Variants in SWT1 observed in about 807,000 individuals in gnomAD.
SWT1 encodes SWT1 RNA endoribonuclease homolog.
Under a neutral mutation model 107.3 loss-of-function variants are expected in SWT1, and 33 were observed. The observed-to-expected ratio is 0.31, with a 90% CI of 0.23 to 0.41. The LOEUF (loss-of-function observed/expected upper bound fraction) is 0.41, where lower values mean the gene tolerates loss of function less well. Ranked by LOEUF, SWT1 falls within the 10% of genes least tolerant of loss-of-function variation. The probability of loss-of-function intolerance (pLI) is 1.00; values close to 1 mark genes in which losing one functional copy is unlikely to be tolerated. For missense variants in SWT1, 898 were observed against 1,028.9 expected (o/e 0.87, Z 1.74); for synonymous variants, 345 against 348.3 (o/e 0.99, Z 0.11).
intron 17 of SWT1, among the ~76,000 whole-genome samples, chr1:185,272,024 A>G (rs997711899): frequency 1.3e-5 from 2 of 152,228 alleles, no homozygotes; most frequent in Non-Finnish European, 2.9e-5. Flanking sequence ...CCTATACATC[A>G]GGTACTAAAT....
At chr1:185,209,554 T>C (rs1401614806) in intron 13 of SWT1, among the ~76,000 whole-genome samples, 3 of 152,304 alleles carry the variant, frequency 2.0e-5, no homozygotes, top group African/African-American at 7.2e-5. Context: ...GGAGATGAAT[T>C]CATCCTTTTT....
chr1:185,173,909 C>G (rs1227947470), intron 4 of SWT1, among the ~76,000 whole-genome samples: 1 of 152,008 alleles, frequency 6.6e-6, no homozygotes, highest in Non-Finnish European at 1.5e-5. Flanking sequence ...GTCCCAGTTA[C>G]GTGGTAGTCT....
chr1:185,225,315 C>T (rs1259333023), intron 15 of SWT1, among the ~76,000 whole-genome samples: 2 of 152,056 alleles, frequency 1.3e-5, no homozygotes, highest in African/African-American at 4.8e-5. Context: ...ATTCAGTTTG[C>T]TAGTATCTTG....
At chr1:185,195,219 A>C (rs373702097) in intron 10 of SWT1, among the ~76,000 whole-genome samples, 2 of 151,620 alleles carry the variant, frequency 1.3e-5, no homozygotes, top group Non-Finnish European at 2.9e-5. Context: ...TCATTGTTCA[A>C]CTCCCACTTA....
In SWT1 at chr1:185,174,601, A is replaced by G; in HGVS notation, c.454A>G (p.Ser152Gly). The G allele has an allele frequency of 1.2e-6, 2 of 1,610,102 alleles. No individual in the cohort carries two copies. The highest frequency in any genetic ancestry group is 1.7e-6 in the Non-Finnish European group (2 of 1,179,078). ...SKLDHGIKSLSSPKIASDVKP... is the reference protein window; with the variant it reads ...SKLDHGIKSLGSPKIASDVKP... Reference sequence around the variant, plus strand: ...GCTTGACCATGGAATTAAAAGCCTTAGTAGTCCTAAGATTGCCAGTGATGT... The same window carrying G: ...GCTTGACCATGGAATTAAAAGCCTTGGTAGTCCTAAGATTGCCAGTGATGT... Residue 152 changes from serine (S) to glycine (G), a missense_variant, in exon 5 of 19, where the codon AGT (serine) becomes GGT (glycine). Ser to Gly is a moderately conservative substitution (Grantham distance 56). Coordinates refer to ENST00000367500, the MANE Select transcript of SWT1 (RefSeq NM_017673.7).
At chr1:185,196,842 T>A (rs1464370255) in intron 10 of SWT1, among the ~76,000 whole-genome samples, 2 of 151,796 alleles carry the variant, frequency 1.3e-5, no homozygotes, top group Non-Finnish European at 3.0e-5. Context: ...TTTTGTATCC[T>A]GAGACTTTAG....
chr1:185,179,621 T>C (rs996727746), intron 5 of SWT1, among the ~76,000 whole-genome samples: 1 of 152,246 alleles, frequency 6.6e-6, no homozygotes, highest in Non-Finnish European at 1.5e-5. Context: ...ATGTCACTTG[T>C]AGAAATGACT....
chr1:185,180,353 T>C, intron 5 of SWT1, 38 bp from the exon 6 acceptor site: 1 of 1,541,954 alleles, frequency 6.5e-7, no homozygotes, highest in Non-Finnish European at 9.0e-7. Flanking sequence ...ATTTAGGTTA[T>C]GCTTTATTCT....
chr1:185,247,481 T>C (rs1661698149), intron 16 of SWT1, among the ~76,000 whole-genome samples: 1 of 152,254 alleles, frequency 6.6e-6, no homozygotes, highest in Non-Finnish European at 1.5e-5. Flanking sequence ...ATTTTTTGCA[T>C]TGAAAGTTGT....
In SWT1 at chr1:185,195,935, T is replaced by C. The variant is rs561090096; in HGVS notation, c.1523+5293T>C. ...AGGTTGCAAAAAATTTCTCACATTC[T>C]GTAGGTTGCTTGTTAACCCTGATGA... On this transcript the variant is annotated intron_variant, in intron 10 of 18. Transcript: ENST00000367500. Among the ~76,000 whole-genome samples, 214 of 152,314 alleles carry C rather than the reference T, an allele frequency of 1.4e-3. 1 individual carries two copies. The highest frequency in any genetic ancestry group is 4.9e-3 in the African/African-American group (204 of 41,564).
intron 15 of SWT1, among the ~76,000 whole-genome samples, chr1:185,229,485 TTGTATAAA>T (rs1191160969): frequency 6.6e-6 from 1 of 152,032 alleles, no homozygotes; most frequent in Non-Finnish European, 1.5e-5. Flanking sequence ...TTTACCTGAA[TTGTATAAA>T]TCTATATAAA....
At chr1:185,174,329 TG>T in intron 4 of SWT1, 42 bp from the exon 5 acceptor site, 1 of 1,457,848 alleles carries the variant, frequency 6.9e-7, no homozygotes, top group Non-Finnish European at 9.1e-7. Context: ...TGCAACATTA[TG>T]TATAATTATA....
At chr1:185,202,573 G>T in intron 10 of SWT1, 81 bp from the exon 11 acceptor site, 1 of 1,215,704 alleles carries the variant, frequency 8.2e-7, no homozygotes, top group Non-Finnish European at 1.2e-6. Context: ...CCTCTGACTA[G>T]ATCTCATGTG....
chr1:185,238,989 T>C (rs563335229), intron 16 of SWT1, among the ~76,000 whole-genome samples: 17 of 152,274 alleles, frequency 1.1e-4, no homozygotes, highest in African/African-American at 4.1e-4. Flanking sequence ...TGACCTAGTT[T>C]CATTTGGTTT....
intron 16 of SWT1, among the ~76,000 whole-genome samples, chr1:185,250,208 G>A (rs1266685297): frequency 4.6e-5 from 7 of 152,084 alleles, no homozygotes. Flanking sequence ...GCTCACTGCA[G>A]CCTCGAACTC....
At chr1:185,165,493 G>A (rs1286104862) in intron 2 of SWT1, among the ~76,000 whole-genome samples, 1 of 152,142 alleles carries the variant, frequency 6.6e-6, no homozygotes, top group Non-Finnish European at 1.5e-5. Flanking sequence ...CATGATCCAA[G>A]CACCTTGTTT....
chr1:185,228,157 A>T (rs1287624121), intron 15 of SWT1, among the ~76,000 whole-genome samples: 1 of 128,462 alleles, frequency 7.8e-6, no homozygotes, highest in Non-Finnish European at 1.6e-5. Context: ...ATGTCACATT[A>T]AAAAAAAATG....
In SWT1 at chr1:185,183,244, A is replaced by C. The variant is rs560501889; in HGVS notation, c.1139-999A>C. Among the ~76,000 whole-genome samples the C allele has an allele frequency of 8.6e-5, 13 of 151,830 alleles. No homozygotes were observed. The South Asian group carries it at 2.7e-3, about 32-fold the overall frequency. On this transcript the variant is annotated intron_variant, in intron 7 of 18. Coordinates refer to ENST00000367500, the MANE Select transcript of SWT1 (RefSeq NM_017673.7). ...CCTCAAAATGGTCCTATGCAATAAC[A>C]ATGCTAGAATTATTATGTTTTTTCT... is the stretch of plus-strand genomic sequence containing the variant.
At chr1:185,202,847 C>G (rs573340832) in intron 11 of SWT1, 48 bp downstream of exon 11, 4 of 1,036,144 alleles carry the variant, frequency 3.9e-6, no homozygotes, top group Non-Finnish European at 2.7e-6. Flanking sequence ...ATTTTATACA[C>G]TAAGATTATT....
Sources: allele counts gnomAD v4.1 joint callset (sites outside exome capture counted in the v4.1 genomes callset), GRCh38; gene constraint gnomAD v4.1.1; transcripts MANE v1.5; gene names NCBI Gene and HGNC (gene_info 2026-07-23, HGNC 2026-07-21).